MRC2: variants seen among roughly 807,000 people sequenced by gnomAD.
The protein encoded by MRC2 is C-type mannose receptor 2.
In MRC2, 84 loss-of-function variants were observed where a neutral mutation model predicts 206.2. The observed-to-expected ratio is 0.41, with a 90% CI of 0.34 to 0.49. MRC2 has a LOEUF of 0.49. MRC2 is among the 20% of genes least tolerant of loss of function. The pLI is 0.31. For missense variants in MRC2, 1,676 were observed against 2,001.5 expected, an observed-to-expected ratio of 0.84 and a Z score of 3.10; for synonymous variants, 798 against 800.0, an observed-to-expected ratio of 1.00 and a Z score of 0.04.
intron 1 of MRC2, among the ~76,000 whole-genome samples, chr17:62,654,641 T>C (rs966820763): frequency 1.3e-5 from 2 of 152,084 alleles, no homozygotes; most frequent in Admixed American, 6.6e-5. Context: ...GCCTTTGCAC[T>C]CAGCCTCGCG....
At chr17:62,679,728 A>AG in intron 13 of MRC2, 72 bp from the exon 14 acceptor site, 2 of 1,438,292 alleles carry the variant, frequency 1.4e-6, no homozygotes, top group Non-Finnish European at 9.6e-7. Flanking sequence ...TGCAAGGGAC[A>AG]GGGGGCACGT....
chr17:62,632,587 C>T (rs1480023581), intron 1 of MRC2, among the ~76,000 whole-genome samples: 3 of 152,294 alleles, frequency 2.0e-5, no homozygotes, highest in Middle Eastern at 3.4e-3. Flanking sequence ...TGCCCACGCA[C>T]GATCACTTTG....
At chr17:62,657,635 G>T (rs1358913729) in intron 1 of MRC2, among the ~76,000 whole-genome samples, 1 of 150,524 alleles carries the variant, frequency 6.6e-6, no homozygotes, top group Admixed American at 6.6e-5. Context: ...GGATGAGGCT[G>T]GGGGGTGGGT....
intron 12 of MRC2, among the ~76,000 whole-genome samples, chr17:62,677,818 A>G (rs577454858): frequency 3.9e-5 from 6 of 152,262 alleles, no homozygotes; most frequent in African/African-American, 9.6e-5. Flanking sequence ...TTGGGAGGTC[A>G]AGGCGGGTGG....
In MRC2 at chr17:62,677,267, A is replaced by G; in HGVS notation, c.1835-2A>G. On this transcript the variant is annotated splice_acceptor_variant, in intron 11 of 29. Coordinates refer to ENST00000303375, the MANE Select transcript of MRC2 (RefSeq NM_006039.5). LOFTEE classifies it high-confidence loss of function. ...CCTGGGTCTCCCTTCCCTCTCCTTC[A>G]GGGTACAGCCGTGGGGGCTGCGTGG... 1.3e-6 allele frequency: 2 copies of G among 1,583,964 alleles called. No homozygotes were observed. The highest frequency in any genetic ancestry group is 1.1e-5 in the South Asian group (1 of 88,074).
intron 6 of MRC2, among the ~76,000 whole-genome samples, chr17:62,669,677 C>T (rs1221846270): frequency 6.6e-6 from 1 of 151,904 alleles, no homozygotes; most frequent in Non-Finnish European, 1.5e-5. Context: ...TCCAGCCTCC[C>T]GAGTAGCTGG....
chr17:62,628,031 G>A, intron 1 of MRC2, 111 bp downstream of exon 1: 1 of 642,322 alleles, frequency 1.6e-6, no homozygotes, highest in African/African-American at 1.9e-5. Flanking sequence ...CCAGAAGCGT[G>A]TGTGCGTGTG....
Position 62,672,188 on chromosome 17 carries a change from A to G in MRC2, c.1461+36A>G. ...CCTCTCCCTATCACAGGGCCACAAA[A>G]TACACCCCCAACCTCCAGGTGCCAC... On this transcript the variant is annotated intron_variant, in intron 8 of 29. Coordinates refer to ENST00000303375, the MANE Select transcript of MRC2 (RefSeq NM_006039.5). This position sits in a 1 kb window ranked among gnomAD's most constrained non-coding sequence, Gnocchi z 4.5. The G allele has an allele frequency of 1.2e-6, 2 of 1,612,046 alleles. No homozygotes were observed. Among genetic ancestry groups the G allele is most frequent in the Non-Finnish European group, 1.7e-6 (2 of 1,178,850 alleles).
At position 62,671,750 on chromosome 17, in the gene MRC2, A is replaced by G. The variant is rs1239095601; in HGVS notation, c.1219A>G (p.Lys407Glu). 2 of 1,613,412 alleles carry G rather than the reference A, an allele frequency of 1.2e-6. No homozygotes were observed. The highest frequency in any genetic ancestry group is 1.7e-6 in the Non-Finnish European group (2 of 1,179,700). The change falls in exon 7 of 30, where the codon AAG (lysine) becomes GAG (glutamate). Residue 407 changes from lysine (K) to glutamate (E), a missense_variant. By Grantham distance (56) the Lys-to-Glu change is moderately conservative. Around this residue, in one of 3 missense-constraint regions of MRC2, gnomAD observed 1,354 missense variants for 1,636.6 expected, o/e 0.83. Transcript: ENST00000303375. The surrounding 1 kb of genome is among the most constrained non-coding windows in gnomAD (Gnocchi z 4.5). ...CGAGAAGCGCAGCTGGCAGGAGTCCAAGAAGGCATGTCTACGGGGCGGTGG... is the reference window on the plus strand; with the variant it reads ...CGAGAAGCGCAGCTGGCAGGAGTCCGAGAAGGCATGTCTACGGGGCGGTGG... ...QAEKRSWQES[K>E]KACLRGGGDL... is the part of the protein sequence containing the mutation.
Position 62,675,761 on chromosome 17 carries a change from C to T in MRC2, c.1570-29C>T, listed in dbSNP as rs534547977. ...GGTGGAGAGTCATCTTCCCTACAGA[C>T]ACCCCTCTTCTGTCCACTCTTGAGC... On this transcript the variant is annotated intron_variant, in intron 9 of 29. Coordinates refer to ENST00000303375, the MANE Select transcript of MRC2 (RefSeq NM_006039.5). The surrounding 1 kb of genome is among the most constrained non-coding windows in gnomAD (Gnocchi z 4.1). The T allele has an allele frequency of 1.9e-5, 29 of 1,553,718 alleles. No individual in the cohort carries two copies. In the East Asian group the frequency reaches 4.9e-4, roughly 26 times the overall value.
chr17:62,685,405 A>C (rs185921513), intron 20 of MRC2, among the ~76,000 whole-genome samples: 60 of 152,280 alleles, frequency 3.9e-4, no homozygotes, highest in African/African-American at 1.3e-3. Flanking sequence ...TCATGTTATA[A>C]AGTTTTTCCA....
In MRC2 at chr17:62,636,721, C is replaced by T. The variant is rs556109561; in HGVS notation, c.118+8801C>T. Among the ~76,000 whole-genome samples, 3 of 152,226 alleles carry T rather than the reference C, an allele frequency of 2.0e-5. No individual in the cohort carries two copies. In the South Asian group the frequency reaches 6.2e-4, roughly 32 times the overall value. On this transcript the variant is annotated intron_variant, in intron 1 of 29. Transcript: ENST00000303375. ...CCTCCTGACCTCGTGATCCGCCCGC[C>T]TCAGCCTCCCAAGTGCTGCGATTAC... is the stretch of plus-strand genomic sequence containing the variant.
intron 1 of MRC2, among the ~76,000 whole-genome samples, chr17:62,638,756 A>T (rs2088360311): frequency 6.7e-6 from 1 of 149,326 alleles, no homozygotes. Context: ...AAAAAAAAAA[A>T]AGAAAGAAAC....
At chr17:62,639,441 A>T (rs2088371494) in intron 1 of MRC2, among the ~76,000 whole-genome samples, 1 of 152,244 alleles carries the variant, frequency 6.6e-6, no homozygotes, top group South Asian at 2.1e-4. Context: ...AAAAGCTAGT[A>T]TTGGCAGAGC....
At chr17:62,665,964 C>A in intron 2 of MRC2, 130 bp from the exon 3 acceptor site, 1 of 953,156 alleles carries the variant, frequency 1.0e-6, no homozygotes, top group Non-Finnish European at 1.5e-6. Context: ...GTGCCATTGC[C>A]TCTCCCACCT....
chr17:62,675,256 T>C lies in MRC2; in HGVS notation c.1570-534T>C, dbSNP rs1178642100. On this transcript the variant is annotated intron_variant, in intron 9 of 29. Coordinates refer to ENST00000303375, the MANE Select transcript of MRC2 (RefSeq NM_006039.5). This position sits in a 1 kb window ranked among gnomAD's most constrained non-coding sequence, Gnocchi z 4.1. ...CAGCAGATGAGGCCCCCACCACACA[T>C]ACCACATCTGCTTCTCTTCTGCCTT... 1.3e-5 allele frequency among the ~76,000 whole-genome samples: 2 copies of C among 152,114 alleles called. No homozygotes were observed. Among genetic ancestry groups the C allele is most frequent in the Admixed American group, 6.5e-5 (1 of 15,280 alleles).
rs1038676921 is a variant in MRC2, at chr17:62,664,417, T to G, written c.119-131T>G. The G allele has an allele frequency of 1.9e-6, 2 of 1,033,484 alleles. No homozygotes were observed. The highest frequency in any genetic ancestry group is 2.8e-6 in the Non-Finnish European group (2 of 704,902). 64.0% of individuals were successfully genotyped at this position (1,033,484 alleles called of 1,614,324 possible). A position where few individuals can be genotyped will look rare whatever the true frequency, so the allele number is the denominator to read the frequency against. On this transcript the variant is annotated intron_variant, in intron 1 of 29. Transcript: ENST00000303375. The surrounding 1 kb of genome is among the most constrained non-coding windows in gnomAD (Gnocchi z 4.7). Reference sequence around the variant, plus strand: ...CAGAGGGTTGGTAGTGAGTACCGAGTGATTTAACGTATGAGTGACGGCTCA... The same window carrying G: ...CAGAGGGTTGGTAGTGAGTACCGAGGGATTTAACGTATGAGTGACGGCTCA...
At chr17:62,690,586 G>T in intron 26 of MRC2, 56 bp from the exon 27 acceptor site, 1 of 1,424,580 alleles carries the variant, frequency 7.0e-7, no homozygotes, top group South Asian at 1.3e-5. Context: ...AGCTCTGGGG[G>T]ACTCTGCCCC....
At chr17:62,633,137 GAT>G (rs1229130694) in intron 1 of MRC2, among the ~76,000 whole-genome samples, 1 of 152,162 alleles carries the variant, frequency 6.6e-6, no homozygotes, top group African/African-American at 2.4e-5. Flanking sequence ...GAACGTATGA[GAT>G]ATGTCCCTGG....
Sources: allele counts gnomAD v4.1 joint callset (sites outside exome capture counted in the v4.1 genomes callset), GRCh38; gene constraint gnomAD v4.1.1; regional missense constraint gnomAD v4.1.1; non-coding constraint Gnocchi (gnomAD v3.1); transcripts MANE v1.5; gene names NCBI Gene and HGNC (gene_info 2026-07-23, HGNC 2026-07-21).